TBC1D22B: variants seen among roughly 807,000 people sequenced by gnomAD.
The protein encoded by TBC1D22B is TBC1 domain family member 22B.
TBC1D22B carries 32 observed loss-of-function variants against 69.1 expected under a neutral mutation model. The ratio of observed to expected loss-of-function variants is 0.46; its 90% CI spans 0.35 to 0.62. The LOEUF is 0.62. Ranked by LOEUF, TBC1D22B falls within the 20% of genes least tolerant of loss-of-function variation. The pLI, the probability that TBC1D22B is intolerant of heterozygous loss-of-function variation, is 0.00. For synonymous variants in TBC1D22B, 206 were observed against 229.8 expected, an observed-to-expected ratio of 0.90 and a Z score of 0.94; for missense variants, 462 against 630.9, an observed-to-expected ratio of 0.73 and a Z score of 2.87.
intron 12 of TBC1D22B, among the ~76,000 whole-genome samples, chr6:37,327,452 TG>T (rs1581639780): frequency 2.0e-5 from 2 of 98,732 alleles, no homozygotes; most frequent in East Asian, 7.0e-4. Context: ...CACTCCAGCC[TG>T]GGCGACAGAG....
chr6:37,269,725 A>T, intron 2 of TBC1D22B, 75 bp downstream of exon 2: 1 of 1,407,050 alleles, frequency 7.1e-7, no homozygotes, highest in Admixed American at 1.7e-5. Context: ...TTGAAATGAC[A>T]GTTTCCACCT....
intron 8 of TBC1D22B, among the ~76,000 whole-genome samples, chr6:37,305,420 C>T (rs1280013188): frequency 6.6e-6 from 1 of 152,176 alleles, no homozygotes; most frequent in African/African-American, 2.4e-5. Flanking sequence ...TCAGAAGTCC[C>T]TTTGTGTTCC....
intron 3 of TBC1D22B, 86 bp from the exon 4 acceptor site, chr6:37,282,099 C>T: frequency 6.7e-7 from 1 of 1,482,968 alleles, no homozygotes; most frequent in Non-Finnish European, 9.4e-7. Flanking sequence ...GGGGAGGAAA[C>T]ACAATGCTGA....
chr6:37,271,207 G>A (rs1210410253), intron 2 of TBC1D22B, among the ~76,000 whole-genome samples: 1 of 152,114 alleles, frequency 6.6e-6, no homozygotes, highest in Non-Finnish European at 1.5e-5. Context: ...CAGCTACTCC[G>A]GAGGCTGAGG....
At chr6:37,285,591 C>T (rs1372138827) in intron 6 of TBC1D22B, among the ~76,000 whole-genome samples, 1 of 152,104 alleles carries the variant, frequency 6.6e-6, no homozygotes, top group Non-Finnish European at 1.5e-5. Flanking sequence ...CCGCTGGGTT[C>T]CAGCGATTCT....
chr6:37,314,349 G>A (rs778118711), intron 10 of TBC1D22B, among the ~76,000 whole-genome samples: 3 of 152,112 alleles, frequency 2.0e-5, no homozygotes, highest in Admixed American at 6.5e-5. Context: ...CCTGTCGTCC[G>A]GCCTTGTCCT....
At chr6:37,284,696 T>C (rs1423817134) in intron 6 of TBC1D22B, among the ~76,000 whole-genome samples, 1 of 152,204 alleles carries the variant, frequency 6.6e-6, no homozygotes, top group Non-Finnish European at 1.5e-5. Flanking sequence ...TCTCAAACTT[T>C]AATGTACATA....
At chr6:37,315,096 A>G (rs1768038115) in intron 10 of TBC1D22B, among the ~76,000 whole-genome samples, 1 of 152,178 alleles carries the variant, frequency 6.6e-6, no homozygotes, top group African/African-American at 2.4e-5. Context: ...GAGGCTGGTC[A>G]TCAATCAAGT....
chr6:37,280,624 A>T (rs1470457742), intron 3 of TBC1D22B, among the ~76,000 whole-genome samples: 2 of 152,224 alleles, frequency 1.3e-5, no homozygotes, highest in Non-Finnish European at 2.9e-5. Context: ...AGTGTGAGGA[A>T]GGCCCCTACC....
chr6:37,257,902 T>G lies in TBC1D22B; in HGVS notation c.-16T>G, dbSNP rs1765861365. 6.2e-7 allele frequency: 1 copy of G among 1,612,788 alleles called. No individual in the cohort carries two copies. The highest frequency in any genetic ancestry group is 2.2e-5 in the East Asian group (1 of 44,812). ...AACCCTTGGCCCGCCTACAAGGACT[T>G]CCCCCGGCCAGAGCAATGGCCGCTG... On this transcript the variant is annotated 5_prime_UTR_variant, in exon 1 of 13. Coordinates refer to ENST00000373491, the MANE Select transcript of TBC1D22B (RefSeq NM_017772.4).
rs1014705737 is a variant in TBC1D22B, at chr6:37,258,243, G to A, written c.56+270G>A. ...AGGTGGCCGAAGATTGGGCGTAAAG[G>A]GGAGTGGAGTTGGGTGAATAGTCAG... On this transcript the variant is annotated intron_variant, in intron 1 of 12. Coordinates refer to ENST00000373491, the MANE Select transcript of TBC1D22B (RefSeq NM_017772.4). 1.0e-5 allele frequency: 5 copies of A among 498,452 alleles called. No homozygotes were observed. In the Admixed American group the frequency reaches 1.1e-4, roughly 11 times the overall value. The allele number at this position is 498,452 out of a possible 1,614,324, so 30.9% of individuals were successfully genotyped here.
intron 1 of TBC1D22B, among the ~76,000 whole-genome samples, chr6:37,267,325 C>T (rs887668667): frequency 8.4e-5 from 8 of 94,718 alleles, no homozygotes; most frequent in African/African-American, 3.9e-4. Context: ...TATATATATA[C>T]ACACACACAT....
At chr6:37,278,525 GGGGTAAGGGCAGA>G (rs879911009) in intron 2 of TBC1D22B, among the ~76,000 whole-genome samples, 7 of 152,116 alleles carry the variant, frequency 4.6e-5, no homozygotes, top group Admixed American at 1.3e-4. Context: ...AAATGGGGGT[GGGGTAAGGGCAGA>G]GGGCAGGCTC....
chr6:37,280,723 T>C (rs1216942839), intron 3 of TBC1D22B, among the ~76,000 whole-genome samples: 1 of 152,206 alleles, frequency 6.6e-6, no homozygotes, highest in African/African-American at 2.4e-5. Flanking sequence ...CCTGCCGGCA[T>C]CTGTCTGTAA....
intron 10 of TBC1D22B, among the ~76,000 whole-genome samples, chr6:37,314,135 T>C (rs1768006691): frequency 6.6e-6 from 1 of 152,180 alleles, no homozygotes; most frequent in South Asian, 2.1e-4. Context: ...CGGTTCTCCT[T>C]CAGCAGCTCT....
At chr6:37,269,026 A>G (rs1283353378) in intron 1 of TBC1D22B, among the ~76,000 whole-genome samples, 2 of 152,184 alleles carry the variant, frequency 1.3e-5, no homozygotes, top group Non-Finnish European at 2.9e-5. Context: ...CTCCTAATAC[A>G]TATATGTATA....
At chr6:37,287,549 C>G (rs56992129) in intron 7 of TBC1D22B, among the ~76,000 whole-genome samples, 4,849 of 152,282 alleles carry the variant, frequency 0.032, 243 homozygotes, top group African/African-American at 0.11. Context: ...TAAATATTAA[C>G]TCTCTTCTGC....
chr6:37,324,690 A>G (rs1768342902), intron 12 of TBC1D22B, among the ~76,000 whole-genome samples: 1 of 152,132 alleles, frequency 6.6e-6, no homozygotes, highest in African/African-American at 2.4e-5. Flanking sequence ...GATTTCCTTC[A>G]AACAGCCTCT....
intron 1 of TBC1D22B, 134 bp from the exon 2 acceptor site, chr6:37,269,460 T>C (rs1766410524): frequency 2.6e-6 from 2 of 759,234 alleles, no homozygotes; most frequent in East Asian, 5.4e-5. Flanking sequence ...CTTTGGGGGA[T>C]GGCTTGAGTA....
Sources: gnomAD v4.1 joint callset for allele counts (sites outside exome capture counted in the v4.1 genomes callset) on GRCh38, gnomAD v4.1.1 for gene constraint, MANE v1.5 for transcripts, NCBI Gene and HGNC (gene_info 2026-07-23, HGNC 2026-07-21) for gene names.